The following CD109 variants were observed in gnomAD, a reference collection of about 807,000 sequenced individuals.
CD109 encodes CD109 antigen.
Under a neutral mutation model 165.8 loss-of-function variants are expected in CD109, and 149 were observed. The observed-to-expected ratio is 0.90, with a 90% CI of 0.79 to 1.03. CD109 has a LOEUF of 1.03. Among genes scored for constraint, CD109 ranks in the 50% least tolerant of loss-of-function variants. The pLI, the probability that CD109 is intolerant of heterozygous loss-of-function variation, is 0.00. For synonymous variants in CD109, 585 were observed against 592.1 expected (o/e 0.99, Z 0.18); for missense variants, 1,712 against 1,677.8 (o/e 1.02, Z -0.36).
chr6:73,697,036 G>A (rs1479733792), intron 1 of CD109, among the ~76,000 whole-genome samples: 1 of 152,154 alleles, frequency 6.6e-6, no homozygotes, highest in African/African-American at 2.4e-5. Context: ...CTGGGATAAG[G>A]TCCTCTGTAA....
chr6:73,753,448 TA>T (rs1405314368), intron 5 of CD109, among the ~76,000 whole-genome samples: 2 of 152,234 alleles, frequency 1.3e-5, no homozygotes, highest in Admixed American at 1.3e-4. Flanking sequence ...TCTGTTTGCC[TA>T]ATGGACAATA....
At chr6:73,690,996 C>T (rs1770682036), upstream of CD109, among the ~76,000 whole-genome samples, 1 of 152,090 alleles carries the variant, frequency 6.6e-6, no homozygotes, top group African/African-American at 2.4e-5. Context: ...ACCTCTCACC[C>T]CTTCTCCAGG....
At chr6:73,715,085 C>T (rs1171809418) in intron 2 of CD109, among the ~76,000 whole-genome samples, 1 of 152,166 alleles carries the variant, frequency 6.6e-6, no homozygotes, top group Non-Finnish European at 1.5e-5. Flanking sequence ...ATGGCACAAC[C>T]CTGTCTCTAC....
At chr6:73,716,676 T>G (rs1771756438) in intron 2 of CD109, among the ~76,000 whole-genome samples, 1 of 152,242 alleles carries the variant, frequency 6.6e-6, no homozygotes. Flanking sequence ...GTGTTTTGGT[T>G]ATTAATCCCT....
intron 25 of CD109, among the ~76,000 whole-genome samples, chr6:73,807,572 A>G (rs1355047794): frequency 6.6e-6 from 1 of 152,148 alleles, no homozygotes. Flanking sequence ...TATGCTGACG[A>G]GCTTAAGTTT....
chr6:73,778,223 A>G (rs956187904), intron 15 of CD109, among the ~76,000 whole-genome samples: 5 of 152,180 alleles, frequency 3.3e-5, no homozygotes, highest in Non-Finnish European at 4.4e-5. Context: ...TTGTTGGTGT[A>G]TAGGAATGCT....
At chr6:73,777,589 A>G (rs760146030) in intron 15 of CD109, among the ~76,000 whole-genome samples, 2 of 152,236 alleles carry the variant, frequency 1.3e-5, no homozygotes, top group Admixed American at 6.5e-5. Context: ...TAATTTTTGT[A>G]TATGATGTAA....
At chr6:73,686,116 T>C in the CD109 span, among the ~76,000 whole-genome samples, 4 of 152,238 alleles carry the variant, frequency 2.6e-5, no homozygotes, top group Non-Finnish European at 5.9e-5. Context: ...ACTTGAGTAA[T>C]GTGAAACTGT....
At chr6:73,761,235 T>C (rs946327617) in intron 7 of CD109, among the ~76,000 whole-genome samples, 1 of 152,192 alleles carries the variant, frequency 6.6e-6, no homozygotes, top group Non-Finnish European at 1.5e-5. Flanking sequence ...CAATAGACCA[T>C]GGTGATTGCA....
rs567248909 is a variant in CD109 at position 73,824,063 on chromosome 6, C to G, written c.*430C>G. 6.5e-6 allele frequency: 1 copy of G among 153,304 alleles called. No individual in the cohort carries two copies. Among genetic ancestry groups the G allele is most frequent in the Admixed American group, 6.5e-5 (1 of 15,358 alleles). 9.5% of individuals were successfully genotyped at this position (153,304 alleles called of 1,614,324 possible). A position where few individuals can be genotyped will look rare whatever the true frequency, so the allele number is the denominator to read the frequency against. On this transcript the variant is annotated 3_prime_UTR_variant, in exon 33 of 33. Transcript: ENST00000287097. ...CCAGCAGGAGGAGCTTCATCTGTTCCCTTCCCACCTCCAACCTAGCCCTAC... is the reference window on the plus strand; with the variant it reads ...CCAGCAGGAGGAGCTTCATCTGTTCGCTTCCCACCTCCAACCTAGCCCTAC...
chr6:73,719,109 C>T (rs998283402), intron 2 of CD109, among the ~76,000 whole-genome samples: 3 of 152,118 alleles, frequency 2.0e-5, no homozygotes, highest in African/African-American at 7.2e-5. Flanking sequence ...TGACATTTTA[C>T]ATTTTTTTGG....
intron 15 of CD109, among the ~76,000 whole-genome samples, chr6:73,772,330 C>T (rs925462580): frequency 6.6e-5 from 10 of 151,788 alleles, no homozygotes; most frequent in African/African-American, 1.9e-4. Context: ...ATGGTGAAAC[C>T]CCATCTCTAC....
In CD109 at chr6:73,696,337, C is replaced by T. The variant is rs1045421395; in HGVS notation, c.74+48C>T. The T allele has an allele frequency of 2.9e-5, 40 of 1,365,438 alleles. No homozygotes were observed. In the African/African-American group the frequency reaches 5.6e-4, roughly 19 times the overall value. 84.6% of individuals were successfully genotyped at this position (1,365,438 alleles called of 1,614,324 possible). On this transcript the variant is annotated intron_variant, in intron 1 of 32. Coordinates refer to ENST00000287097, the MANE Select transcript of CD109 (RefSeq NM_133493.5). ...GGCGCGCGGGCGCGCGGGCCTGGGC[C>T]GCTCTGCGGCTCTGGGCCAGGGCTT...
chr6:73,818,296 T>G, intron 30 of CD109, 92 bp from the exon 31 acceptor site: 3 of 1,313,176 alleles, frequency 2.3e-6, no homozygotes, highest in Non-Finnish European at 2.2e-6. Context: ...TGGAATAACA[T>G]TTGGTGGGTT....
chr6:73,693,995 C>T (rs1770741280), upstream of CD109: 1 of 152,048 alleles, frequency 6.6e-6, no homozygotes, highest in Non-Finnish European at 1.5e-5. Flanking sequence ...AAGCAATTCT[C>T]TTGCCTCAGT....
chr6:73,798,108 C>G (rs1475501081), intron 23 of CD109, among the ~76,000 whole-genome samples: 2 of 111,150 alleles, frequency 1.8e-5, no homozygotes, highest in Non-Finnish European at 3.5e-5. Context: ...CATCAGTGTC[C>G]TGTTTTTTTT....
At chr6:73,792,246 A>C (rs1774995839) in intron 22 of CD109, among the ~76,000 whole-genome samples, 1 of 152,176 alleles carries the variant, frequency 6.6e-6, no homozygotes, top group Admixed American at 6.5e-5. Flanking sequence ...AATAAGAATA[A>C]AATTTTGTTT....
intron 5 of CD109, among the ~76,000 whole-genome samples, chr6:73,748,108 G>C (rs990078646): frequency 6.6e-6 from 1 of 151,974 alleles, no homozygotes; most frequent in Non-Finnish European, 1.5e-5. Flanking sequence ...TAGCTCAAGT[G>C]ATCTGCCTGC....
At chr6:73,820,340 G>A (rs957378681) in intron 31 of CD109, 121 bp from the exon 32 acceptor site, 1 of 576,332 alleles carries the variant, frequency 1.7e-6, no homozygotes, top group Non-Finnish European at 3.1e-6. Flanking sequence ...TATCTGACAT[G>A]TAGAAATCCT....
Sources: gnomAD v4.1 joint callset for allele counts (sites outside exome capture counted in the v4.1 genomes callset) on GRCh38, gnomAD v4.1.1 for gene constraint, MANE v1.5 for transcripts, NCBI Gene and HGNC (gene_info 2026-07-23, HGNC 2026-07-21) for gene names.